Variants in LARP1B observed in about 807,000 individuals in gnomAD.
The protein encoded by LARP1B is La ribonucleoprotein 1B.
A neutral mutation model predicts 114.2 loss-of-function variants in LARP1B; 76 were observed. The ratio of observed to expected loss-of-function variants is 0.67; its 90% confidence interval spans 0.55 to 0.81. The LOEUF (loss-of-function observed/expected upper bound fraction) is 0.81. Among genes scored for constraint, LARP1B ranks in the 30% least tolerant of loss-of-function variants. The pLI, the probability that LARP1B is intolerant of heterozygous loss-of-function variation, is 0.00. For missense variants in LARP1B, 1,014 were observed against 1,075.8 expected (o/e 0.94, Z 0.80); for synonymous variants, 345 against 348.0 (o/e 0.99, Z 0.10).
intron 8 of LARP1B, 147 bp downstream of exon 8, chr4:128,098,477 A>G (rs2149681406): frequency 1.6e-6 from 1 of 630,748 alleles, no homozygotes; most frequent in South Asian, 2.5e-5. Context: ...TCTATTTTGT[A>G]AAACCTTCAT....
At chr4:128,163,471 A>G (rs1412737754) in intron 12 of LARP1B, among the ~76,000 whole-genome samples, 1 of 152,064 alleles carries the variant, frequency 6.6e-6, no homozygotes, top group Non-Finnish European at 1.5e-5. Context: ...TGAAGCTTTT[A>G]TTTTACTAGG....
intron 1 of LARP1B, among the ~76,000 whole-genome samples, chr4:128,067,813 G>A (rs2149312828): frequency 6.6e-6 from 1 of 151,084 alleles, no homozygotes; most frequent in Non-Finnish European, 1.5e-5. Context: ...GTGTTCAAGC[G>A]ATTCTTCTGC....
chr4:128,172,519 C>G (rs1021542701), intron 12 of LARP1B, among the ~76,000 whole-genome samples: 1 of 151,762 alleles, frequency 6.6e-6, no homozygotes, highest in Non-Finnish European at 1.5e-5. Flanking sequence ...ATGGTGAAAC[C>G]CCATCTCTAC....
intron 7 of LARP1B, among the ~76,000 whole-genome samples, chr4:128,095,172 A>AT (rs1184225891): frequency 2.0e-5 from 3 of 151,908 alleles, no homozygotes; most frequent in East Asian, 3.9e-4. Flanking sequence ...AGTGTTTAAA[A>AT]TTTTTTCCTT....
At chr4:128,179,020 G>A (rs1747417923) in intron 14 of LARP1B, among the ~76,000 whole-genome samples, 1 of 152,128 alleles carries the variant, frequency 6.6e-6, no homozygotes, top group Non-Finnish European at 1.5e-5. Context: ...TGAGCCTGTA[G>A]GGGTCAGGGC....
chr4:128,097,320 T>G (rs138000740), intron 7 of LARP1B, among the ~76,000 whole-genome samples: 17,684 of 152,060 alleles, frequency 0.12, 1,330 homozygotes, highest in South Asian at 0.21. Flanking sequence ...GTTTTGTTTT[T>G]TTTTGAGATG....
At chr4:128,178,872 C>T (rs905765118) in intron 14 of LARP1B, among the ~76,000 whole-genome samples, 1 of 152,064 alleles carries the variant, frequency 6.6e-6, no homozygotes, top group African/African-American at 2.4e-5. Flanking sequence ...GCAGGTGGAT[C>T]GCTTGTGCCC....
intron 15 of LARP1B, among the ~76,000 whole-genome samples, chr4:128,185,394 T>C (rs890950934): frequency 4.6e-5 from 7 of 152,212 alleles, no homozygotes; most frequent in African/African-American, 1.7e-4. Context: ...TGCTTTATCA[T>C]TGTAGTTTTG....
intron 12 of LARP1B, among the ~76,000 whole-genome samples, chr4:128,170,758 T>C (rs1477468326): frequency 6.6e-6 from 1 of 152,144 alleles, no homozygotes; most frequent in Admixed American, 6.5e-5. Context: ...AGTTAGTTCA[T>C]GTTTTTTATT....
At chr4:128,069,605 GC>G in intron 1 of LARP1B, 1 of 685,802 alleles carries the variant, frequency 1.5e-6, no homozygotes. Flanking sequence ...TTACTTGTAT[GC>G]CCCCATCTTG....
intron 11 of LARP1B, among the ~76,000 whole-genome samples, chr4:128,129,595 A>T (rs1393074860): frequency 6.6e-6 from 1 of 152,168 alleles, no homozygotes; most frequent in Non-Finnish European, 1.5e-5. Context: ...CAACATTGAA[A>T]ATTGGAAGAC....
At chr4:128,078,018 G>A in intron 4 of LARP1B, 56 bp downstream of exon 4, 2 of 1,180,184 alleles carry the variant, frequency 1.7e-6, no homozygotes, top group East Asian at 2.6e-5. Context: ...GTTGTAATGA[G>A]GAATTACATT....
chr4:128,075,084 A>C, intron 3 of LARP1B, 91 bp downstream of exon 3: 3 of 882,914 alleles, frequency 3.4e-6, no homozygotes, highest in Non-Finnish European at 5.5e-6. Flanking sequence ...AATGTAAAGA[A>C]TTGTCATACT....
chr4:128,062,132 G>A, intron 1 of LARP1B: 7 of 985,398 alleles, frequency 7.1e-6, no homozygotes, highest in Non-Finnish European at 8.4e-6. Context: ...GCCGCCTAAG[G>A]GAAATCCCTG....
At chr4:128,173,051 A>G (rs1000616155) in intron 12 of LARP1B, among the ~76,000 whole-genome samples, 5 of 151,800 alleles carry the variant, frequency 3.3e-5, no homozygotes, top group African/African-American at 4.9e-5. Flanking sequence ...TACTGCCTAT[A>G]TATATATTTT....
intron 12 of LARP1B, among the ~76,000 whole-genome samples, chr4:128,164,537 A>T (rs1008639173): frequency 1.3e-5 from 2 of 152,194 alleles, no homozygotes; most frequent in African/African-American, 2.4e-5. Context: ...TAGTAAATGA[A>T]ACATGAACAT....
chr4:128,197,880 CTTTTTTTTTTT>C (rs35888649), intron 15 of LARP1B, among the ~76,000 whole-genome samples: 1 of 86,988 alleles, frequency 1.1e-5, no homozygotes, highest in Non-Finnish European at 2.2e-5. Flanking sequence ...ACGATTGTAG[CTTTTTTTTTTT>C]TTTTTTTTTT....
At chr4:128,168,546 G>C (rs551816018) in intron 12 of LARP1B, among the ~76,000 whole-genome samples, 1 of 151,920 alleles carries the variant, frequency 6.6e-6, no homozygotes, top group South Asian at 2.1e-4. Context: ...TCATTTTTTA[G>C]GTATATCTTT....
At chr4:128,097,533 C>T (rs952918919) in intron 7 of LARP1B, among the ~76,000 whole-genome samples, 2 of 151,928 alleles carry the variant, frequency 1.3e-5, no homozygotes, top group Admixed American at 1.3e-4. Flanking sequence ...TCTTGAACTG[C>T]CGACCTCAGG....
Sources: allele counts gnomAD v4.1 joint callset (sites outside exome capture counted in the v4.1 genomes callset), GRCh38; gene constraint gnomAD v4.1.1; transcripts MANE v1.5; gene names NCBI Gene and HGNC (gene_info 2026-07-23, HGNC 2026-07-21).